The following CEP128 variants were observed in gnomAD, a reference collection of about 807,000 sequenced individuals.
CEP128 encodes the protein centrosomal protein 128kDa.
Under a neutral mutation model 156.7 loss-of-function variants are expected in CEP128, and 132 were observed. The ratio of observed to expected loss-of-function variants is 0.84; its 90% CI spans 0.73 to 0.97. The LOEUF is 0.97. CEP128 is among the 50% of genes least tolerant of loss of function. The pLI is 0.00. For synonymous variants in CEP128, 469 were observed against 448.9 expected (o/e 1.04, Z -0.57); for missense variants, 1,252 against 1,281.9 (o/e 0.98, Z 0.36).
At chr14:80,857,039 T>C (rs889451200) in intron 9 of CEP128, among the ~76,000 whole-genome samples, 23 of 151,966 alleles carry the variant, frequency 1.5e-4, no homozygotes, top group Admixed American at 3.9e-4. Context: ...TGAGTCACCA[T>C]GCCCAGCCAT....
In CEP128 at chr14:80,820,890, CA is replaced by C. The variant is rs1247398768; in HGVS notation, c.1209+10252del. Among the ~76,000 whole-genome samples the C allele has an allele frequency of 1.5e-4, 23 of 152,168 alleles. No individual in the cohort carries two copies. The South Asian group carries it at 2.1e-3, about 14-fold the overall frequency. On this transcript the variant is annotated intron_variant, in intron 13 of 24. Transcript: ENST00000555265. ...AGCAAAATACAATCTAACATTTTAT[CA>C]TTATAGGTTCCCACAAAATAATATA...
intron 21 of CEP128, among the ~76,000 whole-genome samples, chr14:80,541,631 C>T (rs1889767879): frequency 6.6e-6 from 1 of 151,918 alleles, no homozygotes; most frequent in Admixed American, 6.6e-5. Flanking sequence ...AAAAAAAAAT[C>T]TCACAATCTT....
rs1468532778 is a variant in CEP128, at chr14:80,497,483, C to T, written c.3281G>A (p.Ser1094Asn). The T allele has an allele frequency of 5.6e-6, 9 of 1,597,202 alleles. No homozygotes were observed. Among genetic ancestry groups the T allele is most frequent in the South Asian group, 1.1e-5 (1 of 89,756 alleles). ...TAACAAATTACATTTGCTTTTTTAG[C>T]TCCCATATTCCTCTTTTTTGGGTTG... ...SSQPKKEEYG[S>N] Residue 1094 changes from serine to asparagine, a missense_variant, in exon 25 of 25, where the codon AGC becomes AAC. Transcript: ENST00000555265.
At chr14:80,909,263 T>A (rs1884068406) in intron 4 of CEP128, among the ~76,000 whole-genome samples, 1 of 152,050 alleles carries the variant, frequency 6.6e-6, no homozygotes, top group Non-Finnish European at 1.5e-5. Context: ...TCTGAAATAA[T>A]CTTACCTACC....
At chr14:80,584,001 G>T (rs918659028) in intron 19 of CEP128, among the ~76,000 whole-genome samples, 1 of 152,022 alleles carries the variant, frequency 6.6e-6, no homozygotes, top group African/African-American at 2.4e-5. Flanking sequence ...CTATCATCCT[G>T]CTCTGTCTAA....
intron 24 of CEP128, among the ~76,000 whole-genome samples, chr14:80,497,850 A>G (rs899463266): frequency 6.6e-6 from 1 of 152,196 alleles, no homozygotes; most frequent in African/African-American, 2.4e-5. Flanking sequence ...ACAATGATAT[A>G]AACCACACCG....
chr14:80,864,308 A>G (rs1212963220), intron 8 of CEP128, among the ~76,000 whole-genome samples: 3 of 152,164 alleles, frequency 2.0e-5, no homozygotes, highest in Admixed American at 6.5e-5. Context: ...TCTGCCTTCA[A>G]ATAGCTTGCT....
intron 2 of CEP128, among the ~76,000 whole-genome samples, chr14:80,952,156 C>T (rs933115855): frequency 6.6e-6 from 1 of 151,954 alleles, no homozygotes; most frequent in Non-Finnish European, 1.5e-5. Flanking sequence ...CTATCAACAA[C>T]TTGACCTAAT....
upstream of CEP128, among the ~76,000 whole-genome samples, chr14:80,945,100 A>G (rs2139648636): frequency 6.6e-6 from 1 of 152,176 alleles, no homozygotes; most frequent in African/African-American, 2.4e-5. Context: ...TTTATTTCCC[A>G]CAATTCTGAA....
rs549066008 is a variant in CEP128 at position 80,618,315 on chromosome 14, G to A, written c.2807-37892C>T. ...TAAAGAAAACAGAGAGCTACACATC[G>A]TTCTTGATCTTATTTTCGAATTTAA... On this transcript the variant is annotated intron_variant, in intron 19 of 24. Coordinates refer to ENST00000555265, the MANE Select transcript of CEP128 (RefSeq NM_152446.5). 1.2e-3 allele frequency among the ~76,000 whole-genome samples: 181 copies of A among 152,148 alleles called. 1 individual carries two copies. The highest frequency in any genetic ancestry group is 4.3e-3 in the African/African-American group (177 of 41,494).
At chr14:80,872,819 T>C (rs1450504165) in intron 8 of CEP128, among the ~76,000 whole-genome samples, 6 of 152,180 alleles carry the variant, frequency 3.9e-5, no homozygotes, top group South Asian at 2.1e-4. Flanking sequence ...TTGACTTCAA[T>C]TGGAATGAGT....
At chr14:80,492,820 T>C (rs1175175727), downstream of CEP128, among the ~76,000 whole-genome samples, 1 of 152,164 alleles carries the variant, frequency 6.6e-6, no homozygotes, top group Non-Finnish European at 1.5e-5. Flanking sequence ...AAGTATGATT[T>C]TAAGAAAATA....
intron 12 of CEP128, among the ~76,000 whole-genome samples, 160 bp from the exon 13 acceptor site, chr14:80,831,454 T>A (rs1194812766): frequency 6.6e-6 from 1 of 152,198 alleles, no homozygotes; most frequent in East Asian, 1.9e-4. Context: ...TCAAGTTTTA[T>A]AGCTTTCAAA....
At chr14:80,712,337 G>A (rs1385719803) in intron 19 of CEP128, among the ~76,000 whole-genome samples, 2 of 152,262 alleles carry the variant, frequency 1.3e-5, no homozygotes, top group East Asian at 1.9e-4. Context: ...CTGACAACCT[G>A]TGGCCTTCTC....
intron 23 of CEP128, among the ~76,000 whole-genome samples, chr14:80,509,598 A>C (rs759846250): frequency 1.3e-5 from 2 of 152,204 alleles, no homozygotes; most frequent in Non-Finnish European, 2.9e-5. Context: ...TTGTCTTTTC[A>C]TGTGGCTGAT....
intron 19 of CEP128, among the ~76,000 whole-genome samples, chr14:80,708,377 T>G (rs1897293261): frequency 6.6e-6 from 1 of 152,188 alleles, no homozygotes; most frequent in Non-Finnish European, 1.5e-5. Context: ...CTCACAGACA[T>G]TGTCATGCAT....
chr14:80,616,825 T>TA (rs140345238), intron 19 of CEP128, among the ~76,000 whole-genome samples: 2,674 of 152,228 alleles, frequency 0.018, 75 homozygotes, highest in African/African-American at 0.059. Flanking sequence ...ATAGCAGAGC[T>TA]ATAAGGACAT....
At chr14:80,948,639 A>G (rs1886396432) in intron 2 of CEP128, among the ~76,000 whole-genome samples, 1 of 152,342 alleles carries the variant, frequency 6.6e-6, no homozygotes, top group Non-Finnish European at 1.5e-5. Flanking sequence ...AACCATGCTA[A>G]TAATTCCTCT....
intron 19 of CEP128, among the ~76,000 whole-genome samples, chr14:80,726,228 A>T (rs761298783): frequency 2.0e-5 from 3 of 152,196 alleles, no homozygotes; most frequent in Non-Finnish European, 4.4e-5. Context: ...TCCTAACAAC[A>T]AAAAGCACAA....
Sources: allele counts gnomAD v4.1 joint callset (sites outside exome capture counted in the v4.1 genomes callset), GRCh38; gene constraint gnomAD v4.1.1; transcripts MANE v1.5; gene names NCBI Gene and HGNC (gene_info 2026-07-23, HGNC 2026-07-21).